Variants in HEPH observed in about 807,000 individuals in gnomAD.
The protein encoded by HEPH is hephaestin.
HEPH carries 69 observed loss-of-function variants against 80.8 expected under a neutral mutation model. The observed-to-expected ratio is 0.85, with a 90% CI of 0.70 to 1.04. HEPH has a LOEUF of 1.04. Among genes scored for constraint, HEPH ranks in the 50% least tolerant of loss-of-function variants. The pLI, the probability that HEPH is intolerant of heterozygous loss-of-function variation, is 0.00. For synonymous variants in HEPH, 431 were observed against 322.8 expected, an observed-to-expected ratio of 1.34 and a Z score of -3.60; for missense variants, 1,115 against 891.3, an observed-to-expected ratio of 1.25 and a Z score of -3.20.
intron 15 of HEPH, among the ~76,000 whole-genome samples, chrX:66,228,080 T>G (rs2089967746): frequency 8.9e-6 from 1 of 111,840 alleles, no homozygotes; most frequent in African/African-American, 3.2e-5. Context: ...TTTAATGGAC[T>G]CACAGTTCCA....
In HEPH at chrX:66,266,713, G is replaced by C. The variant is rs763050878; in HGVS notation, c.*41G>C. On this transcript the variant is annotated 3_prime_UTR_variant, in exon 21 of 21. Transcript: ENST00000343002. ...GATATCCTCAGGAAGCACATCTGTA[G>C]TGCACTCCCAGCAGGCCATGGACTA... is the stretch of plus-strand genomic sequence containing the variant. 2 of 986,495 alleles carry C rather than the reference G, an allele frequency of 2.0e-6. No homozygotes were observed. The highest frequency in any genetic ancestry group is 3.8e-5 in the African/African-American group (2 of 52,564). 81.3% of individuals were successfully genotyped at this position (986,495 alleles called of 1,213,427 possible).
intron 13 of HEPH, among the ~76,000 whole-genome samples, chrX:66,204,909 G>T (rs1054162000): frequency 1.3e-4 from 15 of 111,506 alleles, no homozygotes; most frequent in Admixed American, 2.9e-4. Context: ...AGTGAGAATG[G>T]TTTTTTTAAT....
chrX:66,219,649 TCAGGGGGC>T (rs1433033064), intron 15 of HEPH, among the ~76,000 whole-genome samples: 1 of 111,891 alleles, frequency 8.9e-6, no homozygotes, highest in Non-Finnish European at 1.9e-5. Context: ...TATGATTCTC[TCAGGGGGC>T]CATGTATCAT....
chrX:66,261,498 C>G (rs1213064665), intron 19 of HEPH, among the ~76,000 whole-genome samples: 4 of 108,675 alleles, frequency 3.7e-5, no homozygotes, highest in Non-Finnish European at 5.7e-5. Flanking sequence ...TTCCAAGAAG[C>G]CCTGTAGAGC....
chrX:66,266,500 T>G lies in HEPH; in HGVS notation c.3305T>G (p.Ile1102Arg), dbSNP rs1246777297. 1 of 1,209,868 alleles carries G rather than the reference T, an allele frequency of 8.3e-7. No individual in the cohort carries two copies. The highest frequency in any genetic ancestry group is 3.0e-5 in the East Asian group (1 of 33,760). ...NVKMLGMQIP[I>R]KNVEMLASVL... Reference sequence around the variant, plus strand: ...AAGATGCTGGGCATGCAGATCCCCATAAAGAATGTTGAGATGCTGGCCTCT... The same window carrying G: ...AAGATGCTGGGCATGCAGATCCCCAGAAAGAATGTTGAGATGCTGGCCTCT... Residue 1102 changes from isoleucine (I) to arginine (R), a missense_variant, in exon 21 of 21, where the codon ATA becomes AGA. Ile to Arg is a moderately conservative substitution (Grantham distance 97). This residue lies in a region of HEPH where 716 missense variants were observed against 523.5 expected (regional missense o/e 1.37). Transcript: ENST00000343002.
chrX:66,170,461 T>C, intron 1 of HEPH, 97 bp from the exon 2 acceptor site: 1 of 740,891 alleles, frequency 1.3e-6, no homozygotes, highest in Non-Finnish European at 1.9e-6. Flanking sequence ...TCTCAGTCAC[T>C]CAACCTGGCT....
chrX:66,188,110 A>T (rs2087574677), intron 4 of HEPH, among the ~76,000 whole-genome samples: 1 of 111,586 alleles, frequency 9.0e-6, no homozygotes, highest in South Asian at 3.8e-4. Context: ...AGACATAGGC[A>T]GGGATGGTAG....
At chrX:66,219,797 C>A (rs1302271658) in intron 15 of HEPH, among the ~76,000 whole-genome samples, 1 of 111,354 alleles carries the variant, frequency 9.0e-6, no homozygotes, top group Middle Eastern at 4.3e-3. Flanking sequence ...CAACTACCTG[C>A]CCACTGGTCG....
intron 3 of HEPH, among the ~76,000 whole-genome samples, chrX:66,173,079 T>C (rs1340163259): frequency 2.7e-5 from 3 of 112,028 alleles, no homozygotes; most frequent in African/African-American, 9.7e-5. Flanking sequence ...GTAAGAGGAA[T>C]AGAAAGGGAA....
intron 15 of HEPH, among the ~76,000 whole-genome samples, chrX:66,228,308 G>A (rs770172860): frequency 1.8e-4 from 20 of 112,652 alleles, no homozygotes; most frequent in Admixed American, 3.7e-4. Flanking sequence ...ATGAATTATA[G>A]GAGCTACAAT....
intron 11 of HEPH, among the ~76,000 whole-genome samples, chrX:66,200,273 T>TGTGTGTGTGTGTGTGTGTGTG (rs2088358937): frequency 9.3e-6 from 1 of 107,454 alleles, no homozygotes; most frequent in African/African-American, 3.4e-5. Context: ...TGTGTGTGTG[T>TGTGTGTGTGTGTGTGTGTGTG]TTGGTAGTGG....
rs769328993 is a variant in HEPH at position 66,203,545 on chromosome X, A to T, written c.2259A>T (p.Glu753Asp). The T allele has an allele frequency of 1.7e-6, 2 of 1,211,639 alleles. No individual in the cohort carries two copies. The highest frequency in any genetic ancestry group is 5.9e-5 in the East Asian group (2 of 33,877). Reference protein sequence around the residue: ...EWDYCPDRSWEREWHNQSEKD... With the variant: ...EWDYCPDRSWDREWHNQSEKD... ...ACTATTGCCCTGACCGGAGCTGGGA[A>T]CGGGAATGGCACAACCAGTCTGAGA... Residue 753 changes from glutamate to aspartate, a missense_variant, in exon 13 of 21, where the codon GAA becomes GAT. By Grantham distance (45) the Glu-to-Asp change is conservative. Coordinates refer to ENST00000343002, the MANE Select transcript of HEPH (RefSeq NM_001367233.3).
intron 15 of HEPH, among the ~76,000 whole-genome samples, chrX:66,221,599 G>A (rs185248779): frequency 3.3e-3 from 370 of 112,708 alleles, no homozygotes; most frequent in Non-Finnish European, 5.8e-3. Flanking sequence ...TAGGCCACTG[G>A]CCTTGGCCAG....
intron 15 of HEPH, among the ~76,000 whole-genome samples, chrX:66,222,097 G>GCTGA (rs1370385373): frequency 8.9e-6 from 1 of 112,875 alleles, no homozygotes; most frequent in Non-Finnish European, 1.9e-5. Flanking sequence ...ATGAACAAGG[G>GCTGA]CTGACTGATT....
At chrX:66,256,434 G>C in intron 17 of HEPH, 104 bp downstream of exon 17, 1 of 559,668 alleles carries the variant, frequency 1.8e-6, no homozygotes, top group Non-Finnish European at 2.9e-6. Flanking sequence ...TCCCAGAGAG[G>C]ACACGAACAT....
chrX:66,203,313 C>A (rs1355753555), intron 12 of HEPH, 51 bp from the exon 13 acceptor site: 3 of 1,062,389 alleles, frequency 2.8e-6, no homozygotes, highest in Non-Finnish European at 3.9e-6. Flanking sequence ...ATCCCCCAGG[C>A]ACTACCCAGG....
intron 15 of HEPH, among the ~76,000 whole-genome samples, chrX:66,225,456 T>C (rs2089838944): frequency 9.0e-6 from 1 of 111,649 alleles, no homozygotes; most frequent in Non-Finnish European, 1.9e-5. Context: ...AACCAAAGTA[T>C]CAAGCAATCC....
chrX:66,236,340 C>G (rs914264962), intron 15 of HEPH, among the ~76,000 whole-genome samples: 1 of 111,577 alleles, frequency 9.0e-6, no homozygotes, highest in Non-Finnish European at 1.9e-5. Flanking sequence ...TTGAATTTCA[C>G]TGAAAGCCTT....
intron 15 of HEPH, among the ~76,000 whole-genome samples, chrX:66,221,935 G>A (rs1304227737): frequency 8.9e-6 from 1 of 112,078 alleles, no homozygotes; most frequent in Non-Finnish European, 1.9e-5. Flanking sequence ...GGCTTCTCTT[G>A]TGTTACGATG....
Sources: gnomAD v4.1 joint callset for allele counts (sites outside exome capture counted in the v4.1 genomes callset) on GRCh38, gnomAD v4.1.1 for gene constraint, gnomAD v4.1.1 regional missense constraint, MANE v1.5 for transcripts, NCBI Gene and HGNC (gene_info 2026-07-23, HGNC 2026-07-21) for gene names.